GLT1D1: variants seen among roughly 807,000 people sequenced by gnomAD.
GLT1D1 encodes the protein glycosyltransferase 1 domain-containing protein 1.
GLT1D1 carries 21 observed loss-of-function variants against 28.7 expected under a neutral mutation model. The ratio of observed to expected loss-of-function variants is 0.73; its 90% confidence interval spans 0.52 to 1.05. The LOEUF is 1.05. Ranked by LOEUF, GLT1D1 falls within the 50% of genes least tolerant of loss-of-function variation. GLT1D1 has a pLI of 0.00. For missense variants in GLT1D1, 343 were observed against 330.6 expected, an observed-to-expected ratio of 1.04 and a Z score of -0.29; for synonymous variants, 147 against 124.8, an observed-to-expected ratio of 1.18 and a Z score of -1.19.
At chr12:128,889,422 G>T (rs1048603523) in intron 3 of GLT1D1, among the ~76,000 whole-genome samples, 1 of 152,086 alleles carries the variant, frequency 6.6e-6, no homozygotes, top group African/African-American at 2.4e-5. Flanking sequence ...CTCTAAGTGG[G>T]GCTTCTTACA....
At chr12:128,951,438 G>A (rs1265543452) in intron 6 of GLT1D1, among the ~76,000 whole-genome samples, 1 of 152,136 alleles carries the variant, frequency 6.6e-6, no homozygotes, top group Non-Finnish European at 1.5e-5. Context: ...ACATCATGTT[G>A]TACACTGTAA....
At chr12:128,860,360 C>A (rs753148804) in intron 1 of GLT1D1, among the ~76,000 whole-genome samples, 2 of 152,192 alleles carry the variant, frequency 1.3e-5, no homozygotes, top group Non-Finnish European at 2.9e-5. Context: ...ACTCGGGAGG[C>A]TGAGGCAGGA....
At chr12:128,927,281 CAG>C in intron 4 of GLT1D1, 127 bp downstream of exon 8, 1 of 727,738 alleles carries the variant, frequency 1.4e-6, no homozygotes, top group Non-Finnish European at 2.3e-6. Context: ...CTCTGTCCCC[CAG>C]GCTGGAGTGC....
intron 1 of GLT1D1, among the ~76,000 whole-genome samples, chr12:128,874,130 CTTTCTTTCTTTCTTTCTT>C (rs1956810529): frequency 3.2e-4 from 18 of 55,668 alleles, no homozygotes; most frequent in Non-Finnish European, 3.1e-4. Context: ...CTCTCTCTTT[CTTTCTTTCTTTCTTTCTT>C]TCTTTCTTTC....
chr12:128,854,199 T>C (rs955590819), intron 1 of GLT1D1, among the ~76,000 whole-genome samples: 1 of 151,632 alleles, frequency 6.6e-6, no homozygotes, highest in Non-Finnish European at 1.5e-5. Flanking sequence ...GCCTTTGTCT[T>C]ATTTGTTTAC....
intron 4 of GLT1D1, among the ~76,000 whole-genome samples, chr12:128,932,536 C>CAG: frequency 6.6e-6 from 1 of 152,334 alleles, no homozygotes; most frequent in South Asian, 2.1e-4. Context: ...GCACCTCTTT[C>CAG]ACGAGGCACT....
chr12:128,972,259 A>G (rs1344606604), intron 7 of GLT1D1, among the ~76,000 whole-genome samples: 1 of 152,200 alleles, frequency 6.6e-6, no homozygotes, highest in Non-Finnish European at 1.5e-5. Context: ...GTCTGTGACC[A>G]CCGCCCATGC....
At chr12:128,860,344 C>G (rs1956325399) in intron 1 of GLT1D1, among the ~76,000 whole-genome samples, 1 of 152,162 alleles carries the variant, frequency 6.6e-6, no homozygotes, top group African/African-American at 2.4e-5. Flanking sequence ...ACCTGTAGTC[C>G]CAGCTACTCG....
At chr12:128,958,574 C>G (rs61945050) in intron 7 of GLT1D1, among the ~76,000 whole-genome samples, 13,731 of 106,136 alleles carry the variant, frequency 0.13, 916 homozygotes, top group Middle Eastern at 0.23. Context: ...AACCCCGTCT[C>G]TATTAAAAAG....
chr12:128,901,958 G>C (rs1295530482), intron 4 of GLT1D1, among the ~76,000 whole-genome samples: 1 of 151,708 alleles, frequency 6.6e-6, no homozygotes, highest in East Asian at 1.9e-4. Context: ...AAGCCAGCAT[G>C]AGGTTGTCAG....
intron 7 of GLT1D1, among the ~76,000 whole-genome samples, chr12:128,961,237 A>G (rs191062690): frequency 2.6e-4 from 40 of 152,350 alleles, no homozygotes; most frequent in African/African-American, 9.4e-4. Context: ...AGGAAGTTCC[A>G]TCATCTGTTG....
intron 1 of GLT1D1, among the ~76,000 whole-genome samples, chr12:128,867,572 C>T (rs1353319089): frequency 2.0e-5 from 3 of 152,132 alleles, no homozygotes; most frequent in South Asian, 2.1e-4. Context: ...GAGGTTCCGA[C>T]GCAGTAGTGA....
intron 7 of GLT1D1, among the ~76,000 whole-genome samples, chr12:128,979,039 C>T (rs2135557295): frequency 6.6e-6 from 1 of 152,310 alleles, no homozygotes; most frequent in East Asian, 1.9e-4. Context: ...CTATCTCATC[C>T]TGTGACTTAG....
At chr12:128,908,803 G>T (rs1205379381) in intron 4 of GLT1D1, among the ~76,000 whole-genome samples, 7 of 152,050 alleles carry the variant, frequency 4.6e-5, no homozygotes, top group African/African-American at 1.2e-4. Flanking sequence ...CAAAAAATTA[G>T]CCGGGCGTGG....
intron 4 of GLT1D1, among the ~76,000 whole-genome samples, chr12:128,941,091 T>G (rs1875172626): frequency 6.6e-6 from 1 of 152,224 alleles, no homozygotes; most frequent in African/African-American, 2.4e-5. Flanking sequence ...CTGTGGTCTT[T>G]CCTGTCTGGT....
At chr12:128,916,332 C>T (rs548431416) in intron 4 of GLT1D1, among the ~76,000 whole-genome samples, 1 of 152,210 alleles carries the variant, frequency 6.6e-6, no homozygotes, top group Non-Finnish European at 1.5e-5. Context: ...TATGAATATC[C>T]TTGTGCAAGG....
At chr12:128,920,554 CA>C (rs369305054) in intron 4 of GLT1D1, among the ~76,000 whole-genome samples, 1 of 150,882 alleles carries the variant, frequency 6.6e-6, no homozygotes, top group East Asian at 1.9e-4. Flanking sequence ...AACTTTGTCT[CA>C]AAAAAAAGAA....
intron 2 of GLT1D1, among the ~76,000 whole-genome samples, chr12:128,878,505 T>G (rs761203661): frequency 7.9e-5 from 12 of 152,262 alleles, no homozygotes; most frequent in Non-Finnish European, 1.5e-4. Context: ...CATCCGTGCC[T>G]GAACAATCTA....
At chr12:128,885,917 C>G (rs1226266274) in intron 2 of GLT1D1, among the ~76,000 whole-genome samples, 1 of 152,034 alleles carries the variant, frequency 6.6e-6, no homozygotes, top group Non-Finnish European at 1.5e-5. Flanking sequence ...TGGCTGTGTC[C>G]CCATCCAAAT....
Sources: gnomAD v4.1 joint callset for allele counts (sites outside exome capture counted in the v4.1 genomes callset) on GRCh38, gnomAD v4.1.1 for gene constraint, MANE v1.5 for transcripts, NCBI Gene and HGNC (gene_info 2026-07-23, HGNC 2026-07-21) for gene names.